TMEM132D: variants seen among roughly 807,000 people sequenced by gnomAD.
The protein encoded by TMEM132D is mature OL transmembrane protein.
In TMEM132D, 21 loss-of-function variants were observed where a neutral mutation model predicts 62.3. That is an observed-to-expected ratio of 0.34 (90% CI 0.24 to 0.49). The LOEUF is 0.49. Ranked by LOEUF, TMEM132D falls within the 20% of genes least tolerant of loss-of-function variation. TMEM132D has a pLI of 0.99. For synonymous variants in TMEM132D, 621 were observed against 575.6 expected (o/e 1.08, Z -1.13); for missense variants, 1,346 against 1,402.8 (o/e 0.96, Z 0.65).
At chr12:129,801,907 C>T (rs1386540884) in intron 1 of TMEM132D, among the ~76,000 whole-genome samples, 1 of 151,502 alleles carries the variant, frequency 6.6e-6, no homozygotes, top group East Asian at 1.9e-4. Context: ...GCCTCAGGAG[C>T]CGATGCGATC....
intron 4 of TMEM132D, among the ~76,000 whole-genome samples, chr12:129,231,010 T>G (rs749778794): frequency 6.6e-6 from 1 of 152,248 alleles, no homozygotes; most frequent in Non-Finnish European, 1.5e-5. Flanking sequence ...AGGAAAAATC[T>G]TTGAAACCAC....
At chr12:129,774,436 A>G (rs1191073119) in intron 1 of TMEM132D, among the ~76,000 whole-genome samples, 1 of 152,074 alleles carries the variant, frequency 6.6e-6, no homozygotes, top group Non-Finnish European at 1.5e-5. Flanking sequence ...AGGGATTTTC[A>G]TGGCTGCTGC....
At chr12:129,570,527 C>T (rs1350808825) in intron 2 of TMEM132D, among the ~76,000 whole-genome samples, 1 of 152,094 alleles carries the variant, frequency 6.6e-6, no homozygotes, top group African/African-American at 2.4e-5. Context: ...GAGGTTAATC[C>T]CACTGGGACC....
chr12:129,156,282 C>T (rs1267775206), intron 5 of TMEM132D, among the ~76,000 whole-genome samples: 1 of 151,558 alleles, frequency 6.6e-6, no homozygotes, highest in African/African-American at 2.4e-5. Context: ...CCTGAAGTAA[C>T]TAACTCAGTC....
chr12:129,420,563 C>A (rs554176352), intron 3 of TMEM132D, among the ~76,000 whole-genome samples: 6 of 152,202 alleles, frequency 3.9e-5, no homozygotes, highest in African/African-American at 1.4e-4. Flanking sequence ...AAAGCAATTT[C>A]TTGTGCTGGG....
intron 2 of TMEM132D, among the ~76,000 whole-genome samples, chr12:129,677,265 G>T (rs1055361749): frequency 1.3e-5 from 2 of 152,164 alleles, no homozygotes; most frequent in East Asian, 3.9e-4. Flanking sequence ...AGTCTCACGA[G>T]ATCTGATGGT....
At chr12:129,194,560 C>T (rs1289388468) in intron 5 of TMEM132D, among the ~76,000 whole-genome samples, 1 of 152,168 alleles carries the variant, frequency 6.6e-6, no homozygotes, top group East Asian at 1.9e-4. Flanking sequence ...ATCTTCATGA[C>T]ACGAGTTTAC....
At chr12:129,601,552 A>G (rs1014303217) in intron 2 of TMEM132D, among the ~76,000 whole-genome samples, 1 of 152,142 alleles carries the variant, frequency 6.6e-6, no homozygotes, top group Admixed American at 6.6e-5. Context: ...CTAGCTTCTG[A>G]TTTAAAATGT....
intron 5 of TMEM132D, among the ~76,000 whole-genome samples, chr12:129,112,295 G>C (rs942596579): frequency 5.9e-5 from 9 of 152,162 alleles, no homozygotes; most frequent in African/African-American, 2.2e-4. Flanking sequence ...GCCCATGTAG[G>C]AACCAGGGTT....
intron 5 of TMEM132D, among the ~76,000 whole-genome samples, chr12:129,128,200 G>A (rs1295839927): frequency 6.6e-6 from 1 of 152,182 alleles, no homozygotes; most frequent in Non-Finnish European, 1.5e-5. Flanking sequence ...GCCCATTTTC[G>A]TGGCTTGGGC....
chr12:129,123,366 G>C (rs565260376), intron 5 of TMEM132D, among the ~76,000 whole-genome samples: 1 of 151,546 alleles, frequency 6.6e-6, no homozygotes, highest in Non-Finnish European at 1.5e-5. Flanking sequence ...CGGTAATTCC[G>C]TGTACATAAT....
chr12:129,589,261 TC>T (rs1461763585), intron 2 of TMEM132D, among the ~76,000 whole-genome samples: 2 of 152,094 alleles, frequency 1.3e-5, no homozygotes, highest in African/African-American at 4.8e-5. Flanking sequence ...ATGAGGGGCT[TC>T]CCCTTTCAGT....
intron 4 of TMEM132D, among the ~76,000 whole-genome samples, chr12:129,240,806 G>T (rs975841464): frequency 2.6e-5 from 4 of 152,046 alleles, no homozygotes; most frequent in African/African-American, 9.7e-5. Flanking sequence ...AACTTGGTCC[G>T]CTTCAGGTTT....
At chr12:129,516,033 G>A (rs146900151) in intron 3 of TMEM132D, among the ~76,000 whole-genome samples, 13 of 152,224 alleles carry the variant, frequency 8.5e-5, no homozygotes, top group South Asian at 8.3e-4. Flanking sequence ...CAAGAACCAC[G>A]CAAGGTGCTT....
chr12:129,196,781 T>A (rs527856907), intron 5 of TMEM132D, among the ~76,000 whole-genome samples: 1 of 152,284 alleles, frequency 6.6e-6, no homozygotes, highest in African/African-American at 2.4e-5. Context: ...ATCTAAACAA[T>A]TCATTATGAC....
At chr12:129,266,679 A>G (rs150674273) in intron 4 of TMEM132D, among the ~76,000 whole-genome samples, 618 of 150,940 alleles carry the variant, frequency 4.1e-3, no homozygotes, top group African/African-American at 0.014. Flanking sequence ...ATTAAACAGG[A>G]CCACTCTGCC....
chr12:129,223,307 C>G lies in TMEM132D; in HGVS notation c.1300-13644G>C, dbSNP rs537768790. On this transcript the variant is annotated intron_variant, in intron 4 of 8. Coordinates refer to ENST00000422113, the MANE Select transcript of TMEM132D (RefSeq NM_133448.3). ...GGCTAGGTCCTAAAAGCCAAGACAGCTCCAACCTTGTTTTCTTGCTGGGGG... is the reference window on the plus strand; with the variant it reads ...GGCTAGGTCCTAAAAGCCAAGACAGGTCCAACCTTGTTTTCTTGCTGGGGG... 5.3e-5 allele frequency among the ~76,000 whole-genome samples: 8 copies of G among 152,068 alleles called. No individual in the cohort carries two copies. The South Asian group carries it at 1.7e-3, about 32-fold the overall frequency.
intron 5 of TMEM132D, among the ~76,000 whole-genome samples, chr12:129,087,391 T>C (rs1201100150): frequency 2.6e-5 from 4 of 151,454 alleles, no homozygotes; most frequent in African/African-American, 4.9e-5. Context: ...ACACTTAGGT[T>C]GTTTCCAAAT....
intron 1 of TMEM132D, among the ~76,000 whole-genome samples, chr12:129,797,176 A>G (rs1232294818): frequency 6.6e-6 from 1 of 152,122 alleles, no homozygotes; most frequent in African/African-American, 2.4e-5. Context: ...GGAGGGTGGC[A>G]ATGGCTTCTG....
Sources: allele counts gnomAD v4.1 joint callset (sites outside exome capture counted in the v4.1 genomes callset), GRCh38; gene constraint gnomAD v4.1.1; transcripts MANE v1.5; gene names NCBI Gene and HGNC (gene_info 2026-07-23, HGNC 2026-07-21).